Variants in CIRSR observed in about 807,000 individuals in gnomAD.
CIRSR encodes the protein CBF1 (RBPJ) interacting corepressor 1.
chr2:174,366,509 T>A, the CIRSR span, among the ~76,000 whole-genome samples: 1 of 152,166 alleles, frequency 6.6e-6, no homozygotes, highest in Non-Finnish European at 1.5e-5. Flanking sequence ...AATGGAGGAA[T>A]TTTTTGCCAG....
At chr2:174,379,677 A>G in the CIRSR span, among the ~76,000 whole-genome samples, 5 of 150,314 alleles carry the variant, frequency 3.3e-5, no homozygotes, top group East Asian at 1.9e-4. Context: ...GCAGAGACCA[A>G]TATCATTATA....
At chr2:174,367,853 AAGACAC>A in the CIRSR span, among the ~76,000 whole-genome samples, 3 of 152,114 alleles carry the variant, frequency 2.0e-5, no homozygotes, top group East Asian at 5.8e-4. Flanking sequence ...TTTAGAAATA[AAGACAC>A]AGATAAATTA....
chr2:174,378,886 T>C, the CIRSR span: 1 of 1,401,808 alleles, frequency 7.1e-7, no homozygotes, highest in Non-Finnish European at 1.0e-6. Context: ...CTTTCCTTGT[T>C]TGTCCTCTCC....
the CIRSR span, among the ~76,000 whole-genome samples, chr2:174,349,564 T>TAAAA: frequency 5.7e-5 from 6 of 105,120 alleles, no homozygotes; most frequent in African/African-American, 6.9e-5. Context: ...GACTCTGTCT[T>TAAAA]AAAAAAAAAA....
the CIRSR span, chr2:174,370,123 G>T: frequency 7.9e-7 from 1 of 1,270,312 alleles, no homozygotes; most frequent in Non-Finnish European, 1.0e-6. Flanking sequence ...GTTCAACGGC[G>T]GGCATAATGG....
chr2:174,349,335 G>A, the CIRSR span, among the ~76,000 whole-genome samples: 7 of 151,924 alleles, frequency 4.6e-5, no homozygotes, highest in African/African-American at 1.2e-4. Context: ...GGGAGGCCAC[G>A]GCGGGCGGAT....
chr2:174,351,640 C>G, the CIRSR span: 1 of 1,613,360 alleles, frequency 6.2e-7, no homozygotes, highest in Non-Finnish European at 8.5e-7. Context: ...CATTTGCGGT[C>G]AAGTTTCTCC....
chr2:174,367,959 G>A, the CIRSR span, among the ~76,000 whole-genome samples: 1 of 152,034 alleles, frequency 6.6e-6, no homozygotes, highest in Non-Finnish European at 1.5e-5. Context: ...TCAGAGCAAG[G>A]AAAATCATCA....
the CIRSR span, among the ~76,000 whole-genome samples, chr2:174,365,426 C>A: frequency 6.6e-6 from 1 of 152,212 alleles, no homozygotes; most frequent in Non-Finnish European, 1.5e-5. Flanking sequence ...AAAGTTGCTT[C>A]CACATTTTCA....
At chr2:174,356,238 G>A in the CIRSR span, among the ~76,000 whole-genome samples, 1 of 151,986 alleles carries the variant, frequency 6.6e-6, no homozygotes, top group Non-Finnish European at 1.5e-5. Flanking sequence ...GGCAGAGGCG[G>A]GTGGATCGCC....
chr2:174,363,868 C>A, the CIRSR span, among the ~76,000 whole-genome samples: 1 of 152,154 alleles, frequency 6.6e-6, no homozygotes, highest in Non-Finnish European at 1.5e-5. Context: ...AAGATGAGAT[C>A]TGGGTGGGGA....
At chr2:174,374,203 C>T in the CIRSR span, among the ~76,000 whole-genome samples, 1 of 152,208 alleles carries the variant, frequency 6.6e-6, no homozygotes, top group South Asian at 2.1e-4. Context: ...ATCTTCTGTG[C>T]TTATGTTTTT....
chr2:174,379,790 C>A, the CIRSR span, among the ~76,000 whole-genome samples: 1 of 128,420 alleles, frequency 7.8e-6, no homozygotes, highest in South Asian at 2.7e-4. Context: ...ATGGTGCAGT[C>A]TCGGCTCACT....
chr2:174,360,588 G>A, the CIRSR span, among the ~76,000 whole-genome samples: 1 of 152,190 alleles, frequency 6.6e-6, no homozygotes, highest in Non-Finnish European at 1.5e-5. Context: ...TTGAGTAGAT[G>A]AAATGATGGT....
At chr2:174,375,522 T>C in the CIRSR span, among the ~76,000 whole-genome samples, 1 of 152,210 alleles carries the variant, frequency 6.6e-6, no homozygotes, top group South Asian at 2.1e-4. Flanking sequence ...GGTGAGGGGA[T>C]TGCTTGAGCC....
the CIRSR span, chr2:174,380,232 C>G: frequency 6.3e-7 from 1 of 1,598,688 alleles, no homozygotes. Context: ...CTCTGATGTT[C>G]ATGTCATCTT....
At chr2:174,394,439 A>G in the CIRSR span, among the ~76,000 whole-genome samples, 1 of 152,126 alleles carries the variant, frequency 6.6e-6, no homozygotes, top group Non-Finnish European at 1.5e-5. Flanking sequence ...AAACTGGTGC[A>G]GTGGAAAAAA....
the CIRSR span, chr2:174,380,240 C>T: frequency 6.3e-7 from 1 of 1,597,800 alleles, no homozygotes; most frequent in Non-Finnish European, 8.5e-7. Flanking sequence ...TTCATGTCAT[C>T]TTTGGCATAT....
the CIRSR span, among the ~76,000 whole-genome samples, chr2:174,371,942 AT>A: frequency 6.6e-5 from 10 of 151,844 alleles, no homozygotes; most frequent in South Asian, 1.2e-3. Context: ...TCAATAGGTG[AT>A]TTTTTTTTAA....
Sources: gnomAD v4.1 joint callset for allele counts (sites outside exome capture counted in the v4.1 genomes callset) on GRCh38, gnomAD v4.1.1 for gene constraint, MANE v1.5 for transcripts, NCBI Gene and HGNC (gene_info 2026-07-23, HGNC 2026-07-21) for gene names.